The following FARP2 variants were observed in gnomAD, a reference collection of about 807,000 sequenced individuals.
FARP2 encodes FERM, ARH/RhoGEF and pleckstrin domain protein 2.
FARP2 carries 111 observed loss-of-function variants against 130.5 expected under a neutral mutation model. The observed-to-expected ratio is 0.85, with a 90% confidence interval of 0.73 to 1.00. The LOEUF is 1.00. FARP2 is among the 50% of genes least tolerant of loss of function. The pLI, the probability that FARP2 is intolerant of heterozygous loss-of-function variation, is 0.00. For missense variants in FARP2, 1,385 were observed against 1,346.3 expected (o/e 1.03, Z -0.45); for synonymous variants, 504 against 516.9 (o/e 0.98, Z 0.34).
At chr2:241,364,176 A>T (rs1403427549) in intron 1 of FARP2, among the ~76,000 whole-genome samples, 3 of 152,224 alleles carry the variant, frequency 2.0e-5, no homozygotes, top group South Asian at 4.1e-4. Context: ...CTGGTAGCAG[A>T]TGGGGAAGGC....
intron 14 of FARP2, among the ~76,000 whole-genome samples, chr2:241,460,355 C>T (rs2063981815): frequency 6.6e-6 from 1 of 152,066 alleles, no homozygotes; most frequent in African/African-American, 2.4e-5. Flanking sequence ...AGCCACAGCT[C>T]ACTGCAGCCT....
chr2:241,473,559 C>T (rs983698199), intron 18 of FARP2, among the ~76,000 whole-genome samples: 3 of 152,184 alleles, frequency 2.0e-5, no homozygotes, highest in South Asian at 2.1e-4. Flanking sequence ...CAGTCCCTAC[C>T]GAGGTGCAGC....
chr2:241,403,022 A>G (rs2062234987), intron 2 of FARP2, among the ~76,000 whole-genome samples: 1 of 143,746 alleles, frequency 7.0e-6, no homozygotes. Context: ...TGATCCCACC[A>G]TGCTCAGCCC....
intron 12 of FARP2, among the ~76,000 whole-genome samples, chr2:241,439,558 T>C (rs774876175): frequency 6.6e-6 from 1 of 152,106 alleles, no homozygotes; most frequent in Non-Finnish European, 1.5e-5. Flanking sequence ...CTTGATCTCC[T>C]GAACTCATGA....
intron 8 of FARP2, among the ~76,000 whole-genome samples, chr2:241,422,747 T>G (rs904773702): frequency 6.6e-6 from 1 of 152,108 alleles, no homozygotes; most frequent in Non-Finnish European, 1.5e-5. Context: ...CACAGGAGCT[T>G]ATAGCCGGTT....
intron 2 of FARP2, among the ~76,000 whole-genome samples, chr2:241,399,899 C>T (rs1456543134): frequency 6.6e-6 from 1 of 152,126 alleles, no homozygotes; most frequent in Non-Finnish European, 1.5e-5. Flanking sequence ...TCCCTGGCAC[C>T]ATTCATGAAA....
chr2:241,381,404 G>T (rs145988100), intron 2 of FARP2, among the ~76,000 whole-genome samples: 4 of 152,102 alleles, frequency 2.6e-5, no homozygotes, highest in Admixed American at 6.6e-5. Flanking sequence ...GCTCTGGAGC[G>T]TGGACTTCCC....
At chr2:241,493,677 C>G in intron 26 of FARP2, 1 of 559,644 alleles carries the variant, frequency 1.8e-6, no homozygotes, top group East Asian at 3.0e-5. Flanking sequence ...TCACTATAAC[C>G]TGCACCTCCA....
chr2:241,367,699 T>G (rs1177461812), intron 1 of FARP2, among the ~76,000 whole-genome samples: 1 of 152,132 alleles, frequency 6.6e-6, no homozygotes, highest in African/African-American at 2.4e-5. Flanking sequence ...AAGGTGATTT[T>G]TTTTAAATTG....
Position 241,373,218 on chromosome 2 carries a change from C to T in FARP2, c.111C>T (p.Pro37=). 6.4e-7 allele frequency: 1 copy of T among 1,571,648 alleles called. No individual in the cohort carries two copies. The highest frequency in any genetic ancestry group is 8.7e-7 in the Non-Finnish European group (1 of 1,153,218). The change falls in exon 2 of 27, where the codon CCC becomes CCT. Residue 37 remains proline, a synonymous_variant. Coordinates refer to ENST00000264042, the MANE Select transcript of FARP2 (RefSeq NM_014808.4). ...TTGAGCCTGGGCAGACTCTCTTGCC[C>T]AGAATGCAAGAGAAGCACCTGCACC... is the stretch of plus-strand genomic sequence containing the variant. The part of the protein sequence containing the change: ...STLEPGQTLL[P]RMQEKHLHLR...
chr2:241,407,713 T>C (rs2062400143), intron 5 of FARP2, 98 bp downstream of exon 5: 1 of 910,312 alleles, frequency 1.1e-6, no homozygotes, highest in African/African-American at 1.7e-5. Context: ...TGAATAAGCC[T>C]GATATACACA....
At position 241,441,502 on chromosome 2, in the gene FARP2, C is replaced by A. The variant is rs200063144; in HGVS notation, c.1357C>A (p.Pro453Thr). The A allele has an allele frequency of 1.1e-4, 170 of 1,613,852 alleles. 4 individuals carry two copies. In the East Asian group the frequency reaches 1.1e-3, roughly 10 times the overall value. ...ERRSGAVAGG[P>T]DTPSAQPLGP... is the part of the protein sequence containing the mutation. ...GCGCAGTGGAGCAGTGGCTGGAGGC[C>A]CCGACACACCATCGGCCCAGCCCCT... Residue 453 changes from proline (P) to threonine (T), a missense_variant, in exon 13 of 27, where the codon CCC (proline) becomes ACC (threonine). Transcript: ENST00000264042.
At chr2:241,380,975 G>T (rs1329444670) in intron 2 of FARP2, among the ~76,000 whole-genome samples, 1 of 152,090 alleles carries the variant, frequency 6.6e-6, no homozygotes, top group African/African-American at 2.4e-5. Flanking sequence ...ACCTGGGGCA[G>T]GTTAGGACCA....
intron 8 of FARP2, among the ~76,000 whole-genome samples, 198 bp downstream of exon 8, chr2:241,418,307 C>T (rs974186274): frequency 6.6e-6 from 1 of 152,198 alleles, no homozygotes; most frequent in Admixed American, 6.5e-5. Flanking sequence ...CTCTGACACA[C>T]GTGTGACTGT....
intron 12 of FARP2, among the ~76,000 whole-genome samples, chr2:241,437,670 A>ATT (rs763025047): frequency 1.3e-3 from 168 of 133,120 alleles, no homozygotes; most frequent in African/African-American, 4.5e-3. Context: ...TTATTTATTT[A>ATT]TTTTTTTTTT....
rs573860469 is a variant in FARP2, at chr2:241,493,192, G to A, written c.2896-101G>A. On this transcript the variant is annotated intron_variant, in intron 25 of 26. Coordinates refer to ENST00000264042, the MANE Select transcript of FARP2 (RefSeq NM_014808.4). Reference sequence around the variant, plus strand: ...ACAGGGAAACTGGCTCCCTTGGCCCGTGGGCATTTGTACGTGCCACCGTTG... The same window carrying A: ...ACAGGGAAACTGGCTCCCTTGGCCCATGGGCATTTGTACGTGCCACCGTTG... 34 of 1,383,472 alleles carry A rather than the reference G, an allele frequency of 2.5e-5. No individual in the cohort carries two copies. The East Asian group carries it at 3.5e-4, about 14-fold the overall frequency. The allele number at this position is 1,383,472 out of a possible 1,614,324, so 85.7% of individuals were successfully genotyped here.
At chr2:241,465,840 G>A in intron 17 of FARP2, 1 of 1,531,816 alleles carries the variant, frequency 6.5e-7, no homozygotes, top group Non-Finnish European at 8.8e-7. Context: ...CACACCTAGA[G>A]TTCCCAAGGG....
At chr2:241,465,386 A>T in intron 17 of FARP2, 1 of 1,170,858 alleles carries the variant, frequency 8.5e-7, no homozygotes, top group Non-Finnish European at 1.2e-6. Flanking sequence ...GAGTCCCCAT[A>T]GCTGCTGTGG....
At chr2:241,412,046 G>A (rs1214704250) in intron 6 of FARP2, among the ~76,000 whole-genome samples, 1 of 152,194 alleles carries the variant, frequency 6.6e-6, no homozygotes, top group Non-Finnish European at 1.5e-5. Flanking sequence ...TGGGCAGTTG[G>A]TAAAATATGA....
Sources: allele counts gnomAD v4.1 joint callset (sites outside exome capture counted in the v4.1 genomes callset), GRCh38; gene constraint gnomAD v4.1.1; transcripts MANE v1.5; gene names NCBI Gene and HGNC (gene_info 2026-07-23, HGNC 2026-07-21).